Variants in DOCK1 observed in about 807,000 individuals in gnomAD.
DOCK1 encodes dedicator of cytokinesis protein 1.
A neutral mutation model predicts 262.7 loss-of-function variants in DOCK1; 138 were observed. That is an observed-to-expected ratio of 0.53 (90% CI 0.46 to 0.61). DOCK1 has a LOEUF of 0.61. Ranked by LOEUF, DOCK1 falls within the 20% of genes least tolerant of loss-of-function variation. The pLI is 0.00. For synonymous variants in DOCK1, 866 were observed against 867.4 expected, an observed-to-expected ratio of 1.00 and a Z score of 0.03; for missense variants, 1,908 against 2,370.7, an observed-to-expected ratio of 0.80 and a Z score of 4.05.
chr10:127,280,053 G>A (rs1288989912), intron 29 of DOCK1, among the ~76,000 whole-genome samples: 2 of 39,436 alleles, frequency 5.1e-5, no homozygotes, highest in Non-Finnish European at 1.0e-4. Flanking sequence ...TTTTTTTTTT[G>A]AGACGGAGTC....
chr10:127,072,868 A>G (rs1051186740), intron 23 of DOCK1, among the ~76,000 whole-genome samples: 1 of 152,202 alleles, frequency 6.6e-6, no homozygotes, highest in African/African-American at 2.4e-5. Flanking sequence ...TAGCTGACTC[A>G]TTGATGGAAA....
intron 39 of DOCK1, among the ~76,000 whole-genome samples, chr10:127,403,375 CT>C (rs1271848878): frequency 6.6e-6 from 1 of 152,194 alleles, no homozygotes; most frequent in Non-Finnish European, 1.5e-5. Context: ...ACTCTTAAGG[CT>C]TCTATGAATA....
intron 1 of DOCK1, among the ~76,000 whole-genome samples, chr10:126,925,953 C>T (rs895648131): frequency 6.6e-6 from 1 of 152,024 alleles, no homozygotes; most frequent in Non-Finnish European, 1.5e-5. Context: ...GCTCCATAAA[C>T]TGAACCCGTG....
In DOCK1 at chr10:127,275,958, G is replaced by A. The variant is rs946084064; in HGVS notation, c.3044+18529G>A. On this transcript the variant is annotated intron_variant, in intron 29 of 51. Coordinates refer to ENST00000623213, the MANE Select transcript of DOCK1 (RefSeq NM_001290223.2). ...TGCCCACGCATGGCGTACAGGCCGC[G>A]TTGGAGATCCCTGCGGCTCATGCTG... 5.9e-5 allele frequency among the ~76,000 whole-genome samples: 9 copies of A among 152,346 alleles called. No individual in the cohort carries two copies. In the East Asian group the frequency reaches 7.7e-4, roughly 13 times the overall value.
chr10:127,032,645 C>T (rs1308177924), intron 18 of DOCK1, among the ~76,000 whole-genome samples: 3 of 151,536 alleles, frequency 2.0e-5, no homozygotes, highest in Non-Finnish European at 4.4e-5. Context: ...CCTTGTCCTC[C>T]TAGGCTCAGG....
chr10:127,451,151 G>C (rs1481274030), intron 51 of DOCK1, among the ~76,000 whole-genome samples, 181 bp from the exon 52 acceptor site: 1 of 152,158 alleles, frequency 6.6e-6, no homozygotes, highest in Non-Finnish European at 1.5e-5. Flanking sequence ...CAGGCCCATA[G>C]CAGCCCAGTC....
chr10:127,179,616 G>A (rs1226805680), intron 27 of DOCK1, among the ~76,000 whole-genome samples: 1 of 152,054 alleles, frequency 6.6e-6, no homozygotes, highest in Admixed American at 6.6e-5. Context: ...CATCTTTTCG[G>A]GGTGTTCATT....
At chr10:127,053,198 C>T (rs1418453444) in intron 22 of DOCK1, among the ~76,000 whole-genome samples, 2 of 152,228 alleles carry the variant, frequency 1.3e-5, no homozygotes, top group Admixed American at 6.5e-5. Flanking sequence ...AAAAATAGGC[C>T]GGGCGCAGTG....
At chr10:127,119,068 G>T (rs1173830667) in intron 25 of DOCK1, among the ~76,000 whole-genome samples, 1 of 148,200 alleles carries the variant, frequency 6.7e-6, no homozygotes, top group Non-Finnish European at 1.5e-5. Context: ...TTTTGAGACG[G>T]AGTCTCGCTC....
chr10:127,146,040 C>A (rs760792735), intron 27 of DOCK1: 1 of 518,538 alleles, frequency 1.9e-6, no homozygotes, highest in Admixed American at 1.9e-5. Context: ...TCATACGACC[C>A]AGCCCTAGAC....
At chr10:127,229,603 T>C (rs118007165) in intron 27 of DOCK1, among the ~76,000 whole-genome samples, 4,399 of 152,310 alleles carry the variant, frequency 0.029, 96 homozygotes, top group Middle Eastern at 0.061. Context: ...CCACTGTGTT[T>C]TTAGATCACA....
intron 23 of DOCK1, among the ~76,000 whole-genome samples, chr10:127,084,644 C>A (rs2047092382): frequency 6.6e-6 from 1 of 152,178 alleles, no homozygotes; most frequent in Non-Finnish European, 1.5e-5. Flanking sequence ...CTTTGCTATA[C>A]CTTTCTAACG....
intron 23 of DOCK1, among the ~76,000 whole-genome samples, 153 bp downstream of exon 23, chr10:127,061,929 C>CTTTTTTTTT (rs562310710): frequency 1.4e-5 from 1 of 71,786 alleles, no homozygotes; most frequent in Non-Finnish European, 2.4e-5. Context: ...AAGAGCTGTG[C>CTTTTTTTTT]TTTTTTTTTT....
chr10:127,084,500 C>T (rs1422955900), intron 23 of DOCK1, among the ~76,000 whole-genome samples: 1 of 152,136 alleles, frequency 6.6e-6, no homozygotes, highest in Non-Finnish European at 1.5e-5. Context: ...TGGTAATGCC[C>T]CATTCAGATG....
intron 31 of DOCK1, among the ~76,000 whole-genome samples, chr10:127,353,404 G>T (rs189629389): frequency 1.3e-5 from 2 of 152,246 alleles, no homozygotes; most frequent in East Asian, 1.9e-4. Flanking sequence ...TGGGCAATTG[G>T]GGGGCGTGAG....
At chr10:127,221,778 C>T (rs2058445925) in intron 27 of DOCK1, among the ~76,000 whole-genome samples, 1 of 152,166 alleles carries the variant, frequency 6.6e-6, no homozygotes, top group Non-Finnish European at 1.5e-5. Context: ...TTGAAATGAG[C>T]TCTTGTATGA....
intron 29 of DOCK1, among the ~76,000 whole-genome samples, chr10:127,288,372 G>T (rs1354911158): frequency 6.6e-6 from 1 of 152,162 alleles, no homozygotes; most frequent in Non-Finnish European, 1.5e-5. Flanking sequence ...TTAGTGGGAA[G>T]TGGTATTTAG....
At chr10:127,394,049 T>A (rs1378574792) in intron 38 of DOCK1, among the ~76,000 whole-genome samples, 1 of 152,072 alleles carries the variant, frequency 6.6e-6, no homozygotes, top group Non-Finnish European at 1.5e-5. Context: ...GCCTAGTAAT[T>A]TTCGATAAAG....
chr10:127,052,164 A>G (rs2044766353), intron 21 of DOCK1, among the ~76,000 whole-genome samples: 1 of 152,244 alleles, frequency 6.6e-6, no homozygotes, highest in South Asian at 2.1e-4. Flanking sequence ...GTCTACACTT[A>G]GAAAGGGCTT....
Sources: allele counts gnomAD v4.1 joint callset (sites outside exome capture counted in the v4.1 genomes callset), GRCh38; gene constraint gnomAD v4.1.1; transcripts MANE v1.5; gene names NCBI Gene and HGNC (gene_info 2026-07-23, HGNC 2026-07-21).